Variants in IPO5 observed in about 807,000 individuals in gnomAD.
IPO5 encodes the protein importin 5.
IPO5 carries 18 observed loss-of-function variants against 143.3 expected under a neutral mutation model. The observed-to-expected ratio is 0.13, with a 90% confidence interval of 0.09 to 0.19. The LOEUF (loss-of-function observed/expected upper bound fraction) is 0.19. IPO5 is among the 10% of genes least tolerant of loss of function. The probability of loss-of-function intolerance (pLI) is 1.00; values close to 1 mark genes in which losing one functional copy is unlikely to be tolerated. For missense variants in IPO5, 1,013 were observed against 1,336.9 expected, an observed-to-expected ratio of 0.76 and a Z score of 3.78; for synonymous variants, 477 against 465.7, an observed-to-expected ratio of 1.02 and a Z score of -0.31.
chr13:97,956,131 C>CAA (rs5806042), intron 2 of IPO5, among the ~76,000 whole-genome samples: 128 of 115,154 alleles, frequency 1.1e-3, no homozygotes, highest in African/African-American at 2.4e-3. Context: ...GACTCCGTGT[C>CAA]AAAAAAAAAA....
At chr13:98,012,858 C>G (rs1317223361) in intron 21 of IPO5, among the ~76,000 whole-genome samples, 1 of 141,540 alleles carries the variant, frequency 7.1e-6, no homozygotes, top group Non-Finnish European at 1.5e-5. Flanking sequence ...GTTGCCCAGG[C>G]TGGTCTCAAA....
At chr13:97,954,073 T>C (rs1277485391) in intron 1 of IPO5, 46 bp from the exon 2 acceptor site, 2 of 305,206 alleles carry the variant, frequency 6.6e-6, no homozygotes, top group East Asian at 1.9e-4. Context: ...TAAAGGTCTG[T>C]GTTGCCATCC....
At chr13:98,004,796 G>A (rs1889078227) in intron 16 of IPO5, among the ~76,000 whole-genome samples, 1 of 152,320 alleles carries the variant, frequency 6.6e-6, no homozygotes, top group Non-Finnish European at 1.5e-5. Context: ...AAAGAACTCT[G>A]CTGAGAGTGT....
chr13:97,983,965 C>CTTTTTTTTTTTT (rs71117684), intron 5 of IPO5, among the ~76,000 whole-genome samples: 5 of 45,848 alleles, frequency 1.1e-4, no homozygotes, highest in African/African-American at 2.7e-4. Context: ...AGGGTAACTT[C>CTTTTTTTTTTTT]TTTTTTTTTT....
At chr13:97,978,848 A>G (rs983799578) in intron 4 of IPO5, among the ~76,000 whole-genome samples, 9 of 152,212 alleles carry the variant, frequency 5.9e-5, no homozygotes, top group Non-Finnish European at 1.5e-5. Context: ...TATCACTTAC[A>G]TCACTTTGGG....
intron 18 of IPO5, among the ~76,000 whole-genome samples, chr13:98,009,338 A>C: frequency 6.6e-6 from 1 of 152,172 alleles, no homozygotes; most frequent in African/African-American, 2.4e-5. Flanking sequence ...GCAGATGATA[A>C]AGTCTGTGTA....
rs200276420 is a variant in IPO5 at position 97,989,038 on chromosome 13, A to G, written c.365-24A>G. Reference sequence around the variant, plus strand: ...TTGAAGTTCTGACTTACACAACTTTATGTCTGGATTTCTTTACTTTCAGAT... The same window carrying G: ...TTGAAGTTCTGACTTACACAACTTTGTGTCTGGATTTCTTTACTTTCAGAT... On this transcript the variant is annotated intron_variant, in intron 6 of 28. Coordinates refer to ENST00000651721, the MANE Select transcript of IPO5 (RefSeq NM_002271.6). The G allele has an allele frequency of 9.7e-5, 135 of 1,398,866 alleles. No individual in the cohort carries two copies. The Admixed American group carries it at 1.7e-3, about 18-fold the overall frequency. 86.7% of individuals were successfully genotyped at this position (1,398,866 alleles called of 1,614,324 possible). A position where few individuals can be genotyped will look rare whatever the true frequency, so the allele number is the denominator to read the frequency against.
chr13:98,005,527 C>A (rs1445324338), intron 16 of IPO5, among the ~76,000 whole-genome samples: 5 of 151,934 alleles, frequency 3.3e-5, no homozygotes, highest in Admixed American at 2.6e-4. Context: ...TAAAATATTG[C>A]TGGTGACAGG....
intron 11 of IPO5, among the ~76,000 whole-genome samples, chr13:97,995,438 A>C (rs892900725): frequency 1.3e-5 from 2 of 151,992 alleles, no homozygotes; most frequent in Non-Finnish European, 2.9e-5. Context: ...CTATGGGGAA[A>C]AAAATTCCAA....
Position 98,012,338 on chromosome 13 carries a change from C to CGATGATATCCTACAACTTCT in IPO5, c.2151_2152+18dup. 1 of 1,551,276 alleles carries CGATGATATCCTACAACTTCT rather than the reference C, an allele frequency of 6.4e-7. No individual in the cohort carries two copies. The highest frequency in any genetic ancestry group is 8.9e-7 in the Non-Finnish European group (1 of 1,122,778). On this transcript the variant is annotated frameshift_variant, in exon 21 of 29. Transcript: ENST00000651721. LOFTEE classifies it high-confidence loss of function. The stretch of plus-strand genomic sequence containing the variant: ...TCCCTTTACTGAAATTTTATTTCCA[C>CGATGATATCCTACAACTTCT]GATGATATCCTACAACTTCTGAATA...
chr13:98,008,078 A>T lies in IPO5; in HGVS notation c.1736A>T (p.Asp579Val). ...GKEKFMQDAS[D>V]VMQLLLKTQT... is the part of the protein sequence containing the mutation. ...CTCTAGTTCATGCAGGATGCATCAG[A>T]TGTGATGCAGCTTTTGTTAAAGACC... The change falls in exon 18 of 29, where the codon GAT becomes GTT. Residue 579 changes from aspartate to valine, a missense_variant. By Grantham distance (152) the Asp-to-Val change is radical. Coordinates refer to ENST00000651721, the MANE Select transcript of IPO5 (RefSeq NM_002271.6). The T allele has an allele frequency of 6.2e-7, 1 of 1,609,244 alleles. No homozygotes were observed. Among genetic ancestry groups the T allele is most frequent in the Non-Finnish European group, 8.5e-7 (1 of 1,175,586 alleles).
At chr13:98,000,068 A>G (rs1223091448) in intron 12 of IPO5, among the ~76,000 whole-genome samples, 1 of 152,146 alleles carries the variant, frequency 6.6e-6, no homozygotes, top group Non-Finnish European at 1.5e-5. Flanking sequence ...GCGCATCACA[A>G]AGTCAGGAGA....
intron 3 of IPO5, among the ~76,000 whole-genome samples, chr13:97,970,656 C>T (rs1194169501): frequency 2.6e-5 from 4 of 152,032 alleles, no homozygotes; most frequent in Admixed American, 6.6e-5. Context: ...AGTTCAAACA[C>T]GCCATATTTC....
At chr13:98,005,563 A>G (rs1238060927) in intron 16 of IPO5, among the ~76,000 whole-genome samples, 1 of 152,074 alleles carries the variant, frequency 6.6e-6, no homozygotes. Context: ...AATAGTTAGT[A>G]AGCATTTGTT....
chr13:98,002,962 C>G lies in IPO5; in HGVS notation c.1422C>G (p.Pro474=), dbSNP rs920225628. The change falls in exon 16 of 29, where the codon CCC becomes CCG. Residue 474 remains proline, a synonymous_variant. Coordinates refer to ENST00000651721, the MANE Select transcript of IPO5 (RefSeq NM_002271.6). ...AALINFTEDC[P]KSLLIPYLDN... ...TCATTAACTTTACTGAAGACTGTCC[C>G]AAGTCACTACTTATTCCATACTTGG... The G allele has an allele frequency of 6.2e-7, 1 of 1,613,774 alleles. No individual in the cohort carries two copies.
chr13:98,002,370 A>T, intron 13 of IPO5, 97 bp from the exon 14 acceptor site: 2 of 1,226,884 alleles, frequency 1.6e-6, no homozygotes, highest in South Asian at 2.8e-5. Context: ...AAGTTTTGTT[A>T]CTCTTTTCCA....
At chr13:97,975,964 G>C (rs781379993) in intron 3 of IPO5, 2 of 985,744 alleles carry the variant, frequency 2.0e-6, no homozygotes, top group Admixed American at 6.1e-5. Context: ...GGGGAGGTCG[G>C]AGGGTCTGAA....
rs777909646 is a variant in IPO5 at position 97,992,885 on chromosome 13, T to C, written c.670-7T>C. On this transcript the variant is annotated splice_region_variant and splice_polypyrimidine_tract_variant and intron_variant, in intron 9 of 28. Transcript: ENST00000651721. ...TCAGCACCGACTTTCTGTTTCATCT[T>C]TTCTAGGCGGTAAATGACTCGTGCT... is the stretch of plus-strand genomic sequence containing the variant. 1.9e-5 allele frequency: 30 copies of C among 1,606,202 alleles called. No homozygotes were observed. The highest frequency in any genetic ancestry group is 2.6e-5 in the Non-Finnish European group (30 of 1,175,030).
intron 26 of IPO5, 45 bp downstream of exon 26, chr13:98,018,749 T>C: frequency 7.2e-7 from 1 of 1,392,576 alleles, no homozygotes; most frequent in Non-Finnish European, 1.0e-6. Flanking sequence ...CCAGACATCC[T>C]GTGAATCCCT....
Sources: gnomAD v4.1 joint callset for allele counts (sites outside exome capture counted in the v4.1 genomes callset) on GRCh38, gnomAD v4.1.1 for gene constraint, MANE v1.5 for transcripts, NCBI Gene and HGNC (gene_info 2026-07-23, HGNC 2026-07-21) for gene names.